CHD5: variants seen among roughly 807,000 people sequenced by gnomAD.
CHD5 encodes ATP-dependent chromatin remodeler CHD5.
In CHD5, 69 loss-of-function variants were observed where a neutral mutation model predicts 230.3. The observed-to-expected ratio is 0.30, with a 90% CI of 0.25 to 0.37. The LOEUF is 0.37. CHD5 is among the 10% of genes least tolerant of loss of function. CHD5 has a pLI of 1.00. For synonymous variants in CHD5, 1,064 were observed against 1,065.9 expected, an observed-to-expected ratio of 1.00 and a Z score of 0.03; for missense variants, 1,827 against 2,622.8, an observed-to-expected ratio of 0.70 and a Z score of 6.63.
intron 1 of CHD5, among the ~76,000 whole-genome samples, chr1:6,172,643 C>T (rs951161785): frequency 6.6e-6 from 1 of 152,116 alleles, no homozygotes; most frequent in Non-Finnish European, 1.5e-5. Flanking sequence ...GAAGTCTCTC[C>T]CCCAGCACCC....
At position 6,159,317 on chromosome 1, in the gene CHD5, G is replaced by C. The variant is rs1270756161; in HGVS notation, c.387+19C>G. ...AGGGGGATGTCGCTCTGTCCCCCCA[G>C]CCAGGCCTCCACAGTTACCTTTAAG... is the stretch of plus-strand genomic sequence containing the variant. On this transcript the variant is annotated intron_variant, in intron 3 of 41. Coordinates refer to ENST00000262450, the MANE Select transcript of CHD5 (RefSeq NM_015557.3). The C allele has an allele frequency of 6.4e-7, 1 of 1,551,050 alleles. No homozygotes were observed. The highest frequency in any genetic ancestry group is 2.0e-5 in the Admixed American group (1 of 50,878).
chr1:6,106,566 C>G, intron 39 of CHD5, 50 bp downstream of exon 39: 2 of 1,550,836 alleles, frequency 1.3e-6, no homozygotes, highest in East Asian at 4.9e-5. Flanking sequence ...CAGCCTCCAC[C>G]CAGGGGCACG....
chr1:6,166,748 G>A (rs923492095), intron 2 of CHD5, among the ~76,000 whole-genome samples: 4 of 152,082 alleles, frequency 2.6e-5, no homozygotes, highest in South Asian at 2.1e-4. Context: ...GCCCAGAGGC[G>A]AAGGCAGGGA....
At chr1:6,123,276 G>A (rs1438709375) in intron 31 of CHD5, among the ~76,000 whole-genome samples, 1 of 152,152 alleles carries the variant, frequency 6.6e-6, no homozygotes, top group African/African-American at 2.4e-5. Context: ...GAAACAGGAA[G>A]CAGGTTAGTG....
intron 7 of CHD5, among the ~76,000 whole-genome samples, chr1:6,149,630 G>T (rs1666968857): frequency 1.3e-5 from 2 of 152,182 alleles, no homozygotes; most frequent in African/African-American, 4.8e-5. Flanking sequence ...TAGGAGAGTG[G>T]GTGGATGGGT....
chr1:6,180,065 G>A lies in CHD5; in HGVS notation c.-42C>T, dbSNP rs1451809541. On this transcript the variant is annotated 5_prime_UTR_variant, in exon 1 of 42. Transcript: ENST00000262450. The stretch of plus-strand genomic sequence containing the variant: ...AGGGGAGGTGGGCGCCCCCCCTCCC[G>A]CCGGGCGCGGTGCCAGCCTTAACCC... The A allele has an allele frequency of 6.3e-6, 7 of 1,116,560 alleles. No homozygotes were observed. The highest frequency in any genetic ancestry group is 8.0e-6 in the Non-Finnish European group (7 of 878,024). The allele number at this position is 1,116,560 out of a possible 1,614,324, so 69.2% of individuals were successfully genotyped here. A position where few individuals can be genotyped will look rare whatever the true frequency, so the allele number is the denominator to read the frequency against.
Position 6,121,421 on chromosome 1 carries a change from G to A in CHD5, c.4779+73C>T, listed in dbSNP as rs1666469107. ...GCCTGGGTTCCACCTCGCTGTACAGGGCCTGAGAAGGTCCCCAGACCCAAC... is the reference window on the plus strand; with the variant it reads ...GCCTGGGTTCCACCTCGCTGTACAGAGCCTGAGAAGGTCCCCAGACCCAAC... On this transcript the variant is annotated intron_variant, in intron 32 of 41. Coordinates refer to ENST00000262450, the MANE Select transcript of CHD5 (RefSeq NM_015557.3). The surrounding 1 kb of genome is among the most constrained non-coding windows in gnomAD (Gnocchi z 4.5). The A allele has an allele frequency of 6.7e-7, 1 of 1,491,426 alleles. No individual in the cohort carries two copies. Among genetic ancestry groups the A allele is most frequent in the Non-Finnish European group, 9.2e-7 (1 of 1,082,378 alleles). 92.4% of individuals were successfully genotyped at this position (1,491,426 alleles called of 1,614,324 possible).
intron 34 of CHD5, among the ~76,000 whole-genome samples, chr1:6,112,563 G>A (rs1353277782): frequency 6.6e-6 from 1 of 152,232 alleles, no homozygotes; most frequent in Admixed American, 6.5e-5. Flanking sequence ...CAAAGACAGA[G>A]CTGCCTGAGG....
At chr1:6,150,051 G>C (rs1161849223) in intron 7 of CHD5, among the ~76,000 whole-genome samples, 2 of 148,822 alleles carry the variant, frequency 1.3e-5, no homozygotes, top group Non-Finnish European at 3.0e-5. Flanking sequence ...ATGAGTAATG[G>C]ATGGACAAAT....
Position 6,134,808 on chromosome 1 carries a change from C to T in CHD5, c.2922G>A (p.Lys974=). The T allele has an allele frequency of 1.2e-6, 2 of 1,614,118 alleles. No homozygotes were observed. The highest frequency in any genetic ancestry group is 1.7e-6 in the Non-Finnish European group (2 of 1,179,966). The change falls in exon 19 of 42, where the codon AAG becomes AAA. Residue 974 remains lysine, a synonymous_variant. Transcript: ENST00000262450. This position sits in a 1 kb window ranked among gnomAD's most constrained non-coding sequence, Gnocchi z 6.3. ...GCAGCGATACTTGGTTCCCGCCCCCCTTGGAGTTCAGTGCCTCAAAGTTCC... is the reference window on the plus strand; with the variant it reads ...GCAGCGATACTTGGTTCCCGCCCCCTTTGGAGTTCAGTGCCTCAAAGTTCC... ...LTRNFEALNS[K]GGGNQVSLLN... is the part of the protein sequence containing the mutation.
intron 1 of CHD5, among the ~76,000 whole-genome samples, chr1:6,169,194 G>C (rs58749332): frequency 0.29 from 43,498 of 152,044 alleles, 11,420 homozygotes; most frequent in African/African-American, 0.7. Context: ...GTATCTCCTC[G>C]TGGATCCCGC....
At chr1:6,178,866 C>A (rs112726080) in intron 1 of CHD5, among the ~76,000 whole-genome samples, 106 of 152,300 alleles carry the variant, frequency 7.0e-4, no homozygotes, top group African/African-American at 2.3e-3. Context: ...AGTCTTCTCA[C>A]CCCTGGAAGT....
intron 1 of CHD5, among the ~76,000 whole-genome samples, chr1:6,170,930 C>T (rs986169415): frequency 6.6e-6 from 1 of 152,212 alleles, no homozygotes; most frequent in Non-Finnish European, 1.5e-5. Flanking sequence ...CGGGCCTCCG[C>T]CTCCCCCGCC....
chr1:6,165,125 C>T (rs1181037996), intron 2 of CHD5, among the ~76,000 whole-genome samples: 2 of 152,160 alleles, frequency 1.3e-5, no homozygotes, highest in African/African-American at 2.4e-5. Flanking sequence ...GAAGGCTCAG[C>T]GTGATCATGG....
At chr1:6,159,536 T>G (rs1177683631) in intron 2 of CHD5, 21 bp from the exon 3 acceptor site, 1 of 1,586,764 alleles carries the variant, frequency 6.3e-7, no homozygotes, top group Admixed American at 1.7e-5. Context: ...AGGGGGACAG[T>G]GAGGGCAACA....
Position 6,106,227 on chromosome 1 carries a change from C to A in CHD5, c.*46+7G>T, listed in dbSNP as rs190586453. 1,330 of 1,610,744 alleles carry A rather than the reference C, an allele frequency of 8.3e-4. 11 individuals carry two copies. The African/African-American group carries it at 0.013, about 15-fold the overall frequency. Reference sequence around the variant, plus strand: ...CGGGGAGGAACACAGCACCCAGCAGCCCTCACCTCAGCTGGAAATGAGCGC... The same window carrying A: ...CGGGGAGGAACACAGCACCCAGCAGACCTCACCTCAGCTGGAAATGAGCGC... On this transcript the variant is annotated splice_region_variant and intron_variant, in intron 41 of 41. Coordinates refer to ENST00000262450, the MANE Select transcript of CHD5 (RefSeq NM_015557.3).
intron 33 of CHD5, among the ~76,000 whole-genome samples, chr1:6,115,843 G>A (rs981220350): frequency 2.6e-5 from 4 of 152,208 alleles, no homozygotes; most frequent in African/African-American, 7.2e-5. Flanking sequence ...TGAGCTCATG[G>A]TGAGTGCTGT....
chr1:6,130,686 ACCC>A lies in CHD5; in HGVS notation c.3263-361_3263-359del, dbSNP rs1666640979. On this transcript the variant is annotated intron_variant, in intron 21 of 41. Transcript: ENST00000262450. This position sits in a 1 kb window ranked among gnomAD's most constrained non-coding sequence, Gnocchi z 4.9. The stretch of plus-strand genomic sequence containing the variant: ...GTCCTTCATGTCCCCGCAGCTTCCC[ACCC>A]CTGGCTTCCCTTAGCCCACCGATGC... Among the ~76,000 whole-genome samples the A allele has an allele frequency of 6.6e-6, 1 of 152,064 alleles. No individual in the cohort carries two copies. The highest frequency in any genetic ancestry group is 2.4e-5 in the African/African-American group (1 of 41,398).
intron 2 of CHD5, among the ~76,000 whole-genome samples, chr1:6,164,799 C>A (rs915872138): frequency 6.6e-6 from 1 of 152,180 alleles, no homozygotes; most frequent in Non-Finnish European, 1.5e-5. Flanking sequence ...CATCCCAGCC[C>A]CCTTCCCCTT....
Sources: allele counts gnomAD v4.1 joint callset (sites outside exome capture counted in the v4.1 genomes callset), GRCh38; gene constraint gnomAD v4.1.1; non-coding constraint Gnocchi (gnomAD v3.1); transcripts MANE v1.5; gene names NCBI Gene and HGNC (gene_info 2026-07-23, HGNC 2026-07-21).